CFAP95: variants seen among roughly 807,000 people sequenced by gnomAD.
The protein encoded by CFAP95 is cilia- and flagella-associated protein 95.
the CFAP95 span, among the ~76,000 whole-genome samples, chr9:69,862,014 C>A: frequency 6.6e-6 from 1 of 152,288 alleles, no homozygotes; most frequent in East Asian, 1.9e-4. Context: ...ATATTTGTTG[C>A]AATTGTTTGC....
the CFAP95 span, chr9:69,857,970 A>G: frequency 3.1e-6 from 5 of 1,613,890 alleles, no homozygotes; most frequent in Non-Finnish European, 8.5e-7. Context: ...ACCGGATTGG[A>G]GCAAAATGTT....
At chr9:69,878,304 A>G in the CFAP95 span, among the ~76,000 whole-genome samples, 7 of 152,274 alleles carry the variant, frequency 4.6e-5, no homozygotes, top group East Asian at 1.4e-3. Flanking sequence ...TTGAAAAGTC[A>G]TGCTTCAGAT....
At chr9:69,821,173 G>A in the CFAP95 span, 1 of 901,206 alleles carries the variant, frequency 1.1e-6, no homozygotes, top group African/African-American at 1.7e-5. Flanking sequence ...AATGAGAAAA[G>A]TGGGGGAGAA....
chr9:69,882,440 C>G, the CFAP95 span, among the ~76,000 whole-genome samples: 1 of 151,886 alleles, frequency 6.6e-6, no homozygotes, highest in Non-Finnish European at 1.5e-5. Flanking sequence ...CCCTTTATTT[C>G]TTTTTTTTGT....
At chr9:69,845,984 C>T in the CFAP95 span, among the ~76,000 whole-genome samples, 1 of 152,162 alleles carries the variant, frequency 6.6e-6, no homozygotes, top group African/African-American at 2.4e-5. Flanking sequence ...TTGCTCCATT[C>T]CCCCACAAAC....
At chr9:69,873,415 T>TTTGG in the CFAP95 span, among the ~76,000 whole-genome samples, 1 of 140,072 alleles carries the variant, frequency 7.1e-6, no homozygotes, top group Non-Finnish European at 1.5e-5. Flanking sequence ...CCTAAGTTTT[T>TTTGG]TTGTTTGTTT....
At chr9:69,876,984 G>A in the CFAP95 span, among the ~76,000 whole-genome samples, 4 of 152,130 alleles carry the variant, frequency 2.6e-5, no homozygotes, top group African/African-American at 9.7e-5. Context: ...TGACTTTTCT[G>A]AAAACTTTGT....
chr9:69,873,434 G>C, the CFAP95 span, among the ~76,000 whole-genome samples: 1 of 152,126 alleles, frequency 6.6e-6, no homozygotes, highest in Non-Finnish European at 1.5e-5. Context: ...TTGTTTGTTT[G>C]TTTGTTTTTG....
chr9:69,848,127 G>C, the CFAP95 span, among the ~76,000 whole-genome samples: 656 of 152,248 alleles, frequency 4.3e-3, 6 homozygotes, highest in African/African-American at 0.015. Flanking sequence ...TGTGCCTCAC[G>C]AAGTTAGACA....
chr9:69,904,631 G>C, the CFAP95 span, among the ~76,000 whole-genome samples: 1 of 152,116 alleles, frequency 6.6e-6, no homozygotes, highest in Non-Finnish European at 1.5e-5. Context: ...CTGTATTTGA[G>C]GCTCTCTTCA....
At chr9:69,902,706 C>T in the CFAP95 span, among the ~76,000 whole-genome samples, 1 of 150,892 alleles carries the variant, frequency 6.6e-6, no homozygotes, top group African/African-American at 2.4e-5. Context: ...CTATTTCATG[C>T]TTTTTGTGTT....
the CFAP95 span, among the ~76,000 whole-genome samples, chr9:69,898,086 G>A: frequency 2.6e-5 from 4 of 151,822 alleles, no homozygotes; most frequent in African/African-American, 9.7e-5. Context: ...CCTTCTACCA[G>A]CATGTTTTAT....
the CFAP95 span, among the ~76,000 whole-genome samples, chr9:69,827,647 C>T: frequency 6.6e-6 from 1 of 152,204 alleles, no homozygotes; most frequent in Non-Finnish European, 1.5e-5. Flanking sequence ...CCTTGCTCGC[C>T]TCATCCTGGT....
the CFAP95 span, among the ~76,000 whole-genome samples, chr9:69,874,703 G>C: frequency 6.6e-6 from 1 of 152,302 alleles, no homozygotes; most frequent in South Asian, 2.1e-4. Context: ...TGTCACGGGA[G>C]AGTGAGTGCC....
the CFAP95 span, among the ~76,000 whole-genome samples, chr9:69,878,983 T>C: frequency 6.6e-6 from 1 of 152,134 alleles, no homozygotes; most frequent in Non-Finnish European, 1.5e-5. Context: ...CACTTTTATA[T>C]GACCAGATAG....
chr9:69,893,456 C>T, the CFAP95 span, among the ~76,000 whole-genome samples: 1 of 152,206 alleles, frequency 6.6e-6, no homozygotes, highest in Non-Finnish European at 1.5e-5. Context: ...CCTCACTTGT[C>T]TGAATTATAT....
the CFAP95 span, among the ~76,000 whole-genome samples, chr9:69,865,404 T>A: frequency 6.6e-6 from 1 of 152,300 alleles, no homozygotes; most frequent in African/African-American, 2.4e-5. Context: ...CAGGCTTGAA[T>A]TCAGTTCTTG....
the CFAP95 span, among the ~76,000 whole-genome samples, chr9:69,834,685 C>T: frequency 6.6e-6 from 1 of 152,108 alleles, no homozygotes; most frequent in Non-Finnish European, 1.5e-5. Context: ...TATTTATGTG[C>T]CACTCAATAT....
the CFAP95 span, among the ~76,000 whole-genome samples, chr9:69,823,526 G>T: frequency 6.6e-6 from 1 of 152,170 alleles, no homozygotes; most frequent in Non-Finnish European, 1.5e-5. Flanking sequence ...GTAAAATGGG[G>T]ATGATAGGAT....
Sources: gnomAD v4.1 joint callset for allele counts (sites outside exome capture counted in the v4.1 genomes callset) on GRCh38, gnomAD v4.1.1 for gene constraint, MANE v1.5 for transcripts, NCBI Gene and HGNC (gene_info 2026-07-23, HGNC 2026-07-21) for gene names.